Variants in DCAF1 observed in about 807,000 individuals in gnomAD.
DCAF1 encodes DDB1 and CUL4 associated factor 1, also known as DDB1- and CUL4-associated factor 1.
In DCAF1, 15 loss-of-function variants were observed where a neutral mutation model predicts 128.0. That is an observed-to-expected ratio of 0.12 (90% CI 0.08 to 0.18). The LOEUF (loss-of-function observed/expected upper bound fraction) is 0.18, where lower values mean the gene tolerates loss of function less well. Ranked by LOEUF, DCAF1 falls within the 10% of genes least tolerant of loss-of-function variation. The pLI, the probability that DCAF1 is intolerant of heterozygous loss-of-function variation, is 1.00. For missense variants in DCAF1, 988 were observed against 1,649.5 expected, an observed-to-expected ratio of 0.60 and a Z score of 6.95; for synonymous variants, 610 against 603.0, an observed-to-expected ratio of 1.01 and a Z score of -0.17.
chr3:51,412,570 ACCCTG>A (rs1445612464), intron 22 of DCAF1, 90 bp from the exon 23 acceptor site: 1 of 1,570,264 alleles, frequency 6.4e-7, no homozygotes, highest in Non-Finnish European at 8.6e-7. Context: ...CATGACCTTG[ACCCTG>A]TAATTATTAA....
At chr3:51,483,643 G>GTA in intron 3 of DCAF1, 76 bp downstream of exon 3, 5 of 913,948 alleles carry the variant, frequency 5.5e-6, no homozygotes, top group Non-Finnish European at 5.4e-6. Flanking sequence ...GTGTGTGTGT[G>GTA]TGTATGAAGA....
At chr3:51,498,793 A>C (rs533711128) in intron 1 of DCAF1, among the ~76,000 whole-genome samples, 4 of 152,314 alleles carry the variant, frequency 2.6e-5, no homozygotes, top group African/African-American at 9.6e-5. Flanking sequence ...ATTAAGAAAA[A>C]TACTAAATAG....
At chr3:51,461,134 A>G (rs1489347475) in intron 6 of DCAF1, among the ~76,000 whole-genome samples, 10 of 151,626 alleles carry the variant, frequency 6.6e-5, no homozygotes, top group African/African-American at 2.4e-4. Flanking sequence ...AACCTACAGA[A>G]TGGGAGAAAA....
At chr3:51,418,940 C>T in intron 15 of DCAF1, 64 bp from the exon 16 acceptor site, 1 of 1,489,732 alleles carries the variant, frequency 6.7e-7, no homozygotes, top group Non-Finnish European at 8.9e-7. Context: ...AAGCAAACTG[C>T]TAGGATAGAA....
At chr3:51,494,658 C>T (rs1422844982) in intron 2 of DCAF1, among the ~76,000 whole-genome samples, 2 of 152,106 alleles carry the variant, frequency 1.3e-5, no homozygotes, top group East Asian at 1.9e-4. Context: ...TTAAAAAACA[C>T]TACCTCTAAT....
chr3:51,422,111 T>C (rs540265646), intron 14 of DCAF1, among the ~76,000 whole-genome samples, 196 bp downstream of exon 14: 1 of 152,264 alleles, frequency 6.6e-6, no homozygotes, highest in South Asian at 2.1e-4. Flanking sequence ...TTTGTATTTT[T>C]GTTTTTTGGT....
chr3:51,407,828 A>C (rs1698011497), intron 23 of DCAF1, among the ~76,000 whole-genome samples: 1 of 151,930 alleles, frequency 6.6e-6, no homozygotes, highest in South Asian at 2.1e-4. Context: ...TCTCTACTAA[A>C]AATACAGAAT....
chr3:51,486,523 A>G (rs994772463), intron 2 of DCAF1, among the ~76,000 whole-genome samples: 34 of 152,098 alleles, frequency 2.2e-4, no homozygotes, highest in Middle Eastern at 3.4e-3. Flanking sequence ...CCAAAGCCAC[A>G]AAAAGGAAAT....
chr3:51,474,371 G>C (rs1216404373), intron 3 of DCAF1, among the ~76,000 whole-genome samples: 1 of 152,104 alleles, frequency 6.6e-6, no homozygotes, highest in Non-Finnish European at 1.5e-5. Context: ...GGTGAGCCGA[G>C]ATCGTGCCAT....
At chr3:51,426,941 A>C (rs1179220270) in intron 13 of DCAF1, among the ~76,000 whole-genome samples, 1 of 152,188 alleles carries the variant, frequency 6.6e-6, no homozygotes, top group Non-Finnish European at 1.5e-5. Context: ...AATTTGTGAA[A>C]ATCCTAACAG....
chr3:51,475,740 A>G (rs1348322436), intron 3 of DCAF1, among the ~76,000 whole-genome samples: 1 of 152,228 alleles, frequency 6.6e-6, no homozygotes, highest in Non-Finnish European at 1.5e-5. Flanking sequence ...AGGCGCCTGT[A>G]GTCCCAGCTA....
chr3:51,480,371 C>T (rs1262471485), intron 3 of DCAF1, among the ~76,000 whole-genome samples: 3 of 151,642 alleles, frequency 2.0e-5, no homozygotes, highest in African/African-American at 7.3e-5. Context: ...CTGAGGTGGG[C>T]GGATCATGAG....
intron 3 of DCAF1, among the ~76,000 whole-genome samples, chr3:51,481,686 C>CA (rs1285254420): frequency 6.7e-6 from 1 of 149,412 alleles, no homozygotes; most frequent in Non-Finnish European, 1.5e-5. Context: ...GACTCCGTCT[C>CA]AAAAAAAATG....
intron 4 of DCAF1, among the ~76,000 whole-genome samples, chr3:51,468,866 T>C (rs1420846195): frequency 6.6e-6 from 1 of 152,206 alleles, no homozygotes; most frequent in Non-Finnish European, 1.5e-5. Context: ...ATTTAATCCA[T>C]CTCCAGGCAA....
chr3:51,483,174 G>A lies in DCAF1; in HGVS notation c.110+545C>T, dbSNP rs972717924. On this transcript the variant is annotated intron_variant, in intron 3 of 24. Coordinates refer to ENST00000684031, the MANE Select transcript of DCAF1 (RefSeq NM_001387579.1). Reference sequence around the variant, plus strand: ...AAAAAAGCCAGGCTCAGTGGCTCACGCCTGTAATCCTAGCACTTTGGGAGG... The same window carrying A: ...AAAAAAGCCAGGCTCAGTGGCTCACACCTGTAATCCTAGCACTTTGGGAGG... 6.5e-5 allele frequency among the ~76,000 whole-genome samples: 9 copies of A among 138,340 alleles called. No homozygotes were observed. The South Asian group carries it at 1.6e-3, about 25-fold the overall frequency. 90.8% of individuals were successfully genotyped at this position (138,340 alleles called of 152,430 possible).
chr3:51,489,431 T>C (rs1383368405), intron 2 of DCAF1, among the ~76,000 whole-genome samples: 1 of 151,656 alleles, frequency 6.6e-6, no homozygotes, highest in Non-Finnish European at 1.5e-5. Flanking sequence ...TGAGACTCTG[T>C]CTCAAAAAAC....
At chr3:51,403,119 G>C in intron 24 of DCAF1, 24 bp downstream of exon 24, 1 of 1,589,242 alleles carries the variant, frequency 6.3e-7, no homozygotes, top group Middle Eastern at 1.7e-4. Context: ...CCAAGGCTCA[G>C]CCTGAACTCT....
Position 51,420,108 on chromosome 3 carries a change from A to T in DCAF1, c.2862T>A (p.Ile954=), listed in dbSNP as rs545786823. 1.9e-6 allele frequency: 3 copies of T among 1,613,946 alleles called. No individual in the cohort carries two copies. The African/African-American group carries it at 4.0e-5, about 22-fold the overall frequency. The change falls in exon 15 of 25, where the codon ATT becomes ATA. Residue 954 remains isoleucine, a synonymous_variant. Transcript: ENST00000684031. This position sits in a 1 kb window ranked among gnomAD's most constrained non-coding sequence, Gnocchi z 6.5. ...GPSYAGNSPL[I]GRISFIRERP... Reference sequence around the variant, plus strand: ...TCTCTCTGATAAAACTGATTCTACCAATCAAAGGGGAGTTGCCTGCATAAG... The same window carrying T: ...TCTCTCTGATAAAACTGATTCTACCTATCAAAGGGGAGTTGCCTGCATAAG...
intron 2 of DCAF1, among the ~76,000 whole-genome samples, chr3:51,488,800 C>T (rs1284332116): frequency 4.0e-5 from 6 of 150,310 alleles, no homozygotes; most frequent in African/African-American, 1.5e-4. Context: ...AAAACTCCGT[C>T]TACAAAAAAA....
Sources: gnomAD v4.1 joint callset for allele counts (sites outside exome capture counted in the v4.1 genomes callset) on GRCh38, gnomAD v4.1.1 for gene constraint, Gnocchi (gnomAD v3.1) non-coding constraint, MANE v1.5 for transcripts, NCBI Gene and HGNC (gene_info 2026-07-23, HGNC 2026-07-21) for gene names.